TAF8: variants seen among roughly 807,000 people sequenced by gnomAD.
TAF8 encodes TATA-box binding protein associated factor 8.
Under a neutral mutation model 36.5 loss-of-function variants are expected in TAF8, and 47 were observed. The observed-to-expected ratio is 1.29, with a 90% CI of 1.02 to 1.64. The LOEUF (loss-of-function observed/expected upper bound fraction) is 1.64. Among genes scored for constraint, TAF8 ranks in the 40% most tolerant of loss-of-function variants. The probability of loss-of-function intolerance (pLI) is 0.00; values close to 1 mark genes in which losing one functional copy is unlikely to be tolerated. For synonymous variants in TAF8, 175 were observed against 159.5 expected (o/e 1.10, Z -0.73); for missense variants, 420 against 407.6 (o/e 1.03, Z -0.26).
At position 42,055,558 on chromosome 6, in the gene TAF8, A is replaced by G. The variant is rs1050049842; in HGVS notation, c.230A>G (p.Lys77Arg). The G allele has an allele frequency of 1.9e-6, 3 of 1,614,168 alleles. No individual in the cohort carries two copies. The highest frequency in any genetic ancestry group is 1.7e-5 in the Admixed American group (1 of 60,022). The change falls in exon 3 of 9, where the codon AAG becomes AGG. Residue 77 changes from lysine to arginine, a missense_variant. Lys to Arg is a conservative substitution (Grantham distance 26). Transcript: ENST00000372977. ...SYISEIGRSA[K>R]SYCEHTARTQ... The stretch of plus-strand genomic sequence containing the variant: ...ATTTCAGAAATTGGGAGAAGTGCCA[A>G]GTCTTACTGTGAGCACACAGCCAGG...
intron 6 of TAF8, 28 bp from the exon 7 acceptor site, chr6:42,068,437 G>C: frequency 6.2e-7 from 1 of 1,613,250 alleles, no homozygotes; most frequent in Non-Finnish European, 8.5e-7. Flanking sequence ...TGTGACAGTG[G>C]ACTCATGCCT....
rs1474866388 is a variant in TAF8, at chr6:42,066,412, C to T, written c.590C>T (p.Thr197Ile). ...GCACTTACCCGTTTCATGGCCAAGACAGGCGAGACTCAGAGTCTTTTCAAA... is the reference window on the plus strand; with the variant it reads ...GCACTTACCCGTTTCATGGCCAAGATAGGCGAGACTCAGAGTCTTTTCAAA... ...ERALTRFMAK[T>I]GETQSLFKDD... Residue 197 changes from threonine (T) to isoleucine (I), a missense_variant, in exon 6 of 9, where the codon ACA (threonine) becomes ATA (isoleucine). Coordinates refer to ENST00000372977, the MANE Select transcript of TAF8 (RefSeq NM_138572.3). 1.9e-6 allele frequency: 3 copies of T among 1,614,138 alleles called. No homozygotes were observed. Among genetic ancestry groups the T allele is most frequent in the Non-Finnish European group, 2.5e-6 (3 of 1,180,054 alleles).
At chr6:42,071,904 T>C (rs1035229589) in intron 7 of TAF8, among the ~76,000 whole-genome samples, 2 of 152,140 alleles carry the variant, frequency 1.3e-5, no homozygotes, top group Admixed American at 6.6e-5. Flanking sequence ...ATGGTGGTAA[T>C]TGAACCTAAA....
rs1386105874 is a variant in TAF8 at position 42,082,117 on chromosome 6, GTGT to G, written c.*4577_*4579del. On this transcript the variant is annotated 3_prime_UTR_variant, in exon 9 of 9. Transcript: ENST00000372977. ...CCATGTGCACGTGTGTGTTATGTGT[GTGT>G]TGTTCCGTGCAGTTTCATCGTGTAG... 2 of 152,226 alleles carry G rather than the reference GTGT, an allele frequency of 1.3e-5. No individual in the cohort carries two copies. Among genetic ancestry groups the G allele is most frequent in the Non-Finnish European group, 2.9e-5 (2 of 68,064 alleles). 9.4% of individuals were successfully genotyped at this position (152,226 alleles called of 1,614,324 possible). A position where few individuals can be genotyped will look rare whatever the true frequency, so the allele number is the denominator to read the frequency against.
intron 5 of TAF8, among the ~76,000 whole-genome samples, chr6:42,058,520 G>A (rs773326393): frequency 6.6e-6 from 1 of 152,130 alleles, no homozygotes; most frequent in African/African-American, 2.4e-5. Flanking sequence ...TTTACCTTCC[G>A]TTGGGAAGGT....
chr6:42,083,417 A>C (rs1034858598), downstream of TAF8: 1 of 152,182 alleles, frequency 6.6e-6, no homozygotes, highest in Non-Finnish European at 1.5e-5. Flanking sequence ...ATGGGTGTCC[A>C]TTGAATCTGG....
chr6:42,068,809 G>C lies in TAF8; in HGVS notation c.780+202G>C, dbSNP rs922383721. ...ACATCCGTGTCCTGGGGATTCACTC[G>C]TTCATTCAACAAATACAGTTCCAGG... On this transcript the variant is annotated intron_variant, in intron 7 of 8. Coordinates refer to ENST00000372977, the MANE Select transcript of TAF8 (RefSeq NM_138572.3). Among the ~76,000 whole-genome samples the C allele has an allele frequency of 3.3e-5, 5 of 152,240 alleles. No homozygotes were observed. In the East Asian group the frequency reaches 5.8e-4, roughly 18 times the overall value.
At chr6:42,071,886 G>C (rs1765592748) in intron 7 of TAF8, among the ~76,000 whole-genome samples, 1 of 152,192 alleles carries the variant, frequency 6.6e-6, no homozygotes, top group Non-Finnish European at 1.5e-5. Flanking sequence ...CCGTAGTGAT[G>C]TGAGGTCATG....
Position 42,068,507 on chromosome 6 carries a change from T to G in TAF8, c.680T>G (p.Leu227Arg), listed in dbSNP as rs749869589. 12 of 1,614,166 alleles carry G rather than the reference T, an allele frequency of 7.4e-6. No homozygotes were observed. The highest frequency in any genetic ancestry group is 1.0e-5 in the Non-Finnish European group (12 of 1,180,036). ...RPFTIPYLTA[L>R]LPSELEMQQM... is the part of the protein sequence containing the mutation. ...TTCACCATCCCCTACCTGACAGCTC[T>G]TCTTCCGTCTGAACTGGAGATGCAA... Residue 227 changes from leucine to arginine, a missense_variant, in exon 7 of 9, where the codon CTT becomes CGT. Transcript: ENST00000372977.
chr6:42,068,329 T>C (rs1246660897), intron 6 of TAF8, 136 bp from the exon 7 acceptor site: 2 of 884,784 alleles, frequency 2.3e-6, no homozygotes, highest in African/African-American at 3.3e-5. Context: ...CCTGGCCTGT[T>C]GTGTAAGTAC....
Position 42,080,389 on chromosome 6 carries a change from T to G in TAF8, c.*2844T>G. 1 of 962,302 alleles carries G rather than the reference T, an allele frequency of 1.0e-6. No individual in the cohort carries two copies. Among genetic ancestry groups the G allele is most frequent in the Non-Finnish European group, 1.2e-6 (1 of 807,706 alleles). The allele number at this position is 962,302 out of a possible 1,614,324, so 59.6% of individuals were successfully genotyped here. On this transcript the variant is annotated 3_prime_UTR_variant, in exon 9 of 9. Transcript: ENST00000372977. ...TTTTCTTTTCTTTTTTTTTTTTTTT[T>G]GAGACGGCATCTCACTCTTATCGCC... is the stretch of plus-strand genomic sequence containing the variant.
In TAF8 at chr6:42,050,812, G is replaced by A. The variant is rs1022296827; in HGVS notation, c.45+226G>A. 5.2e-5 allele frequency: 49 copies of A among 938,408 alleles called. No homozygotes were observed. In the East Asian group the frequency reaches 9.0e-4, roughly 17 times the overall value. The allele number at this position is 938,408 out of a possible 1,614,324, so 58.1% of individuals were successfully genotyped here. A position where few individuals can be genotyped will look rare whatever the true frequency, so the allele number is the denominator to read the frequency against. On this transcript the variant is annotated intron_variant, in intron 1 of 8. Transcript: ENST00000372977. ...GCTCGTTCGCTGTTGGGGGTTGGGA[G>A]CCCGGAACACCCCCGATTGGTCTGA...
chr6:42,068,836 G>C (rs144137629), intron 7 of TAF8, among the ~76,000 whole-genome samples: 42 of 152,282 alleles, frequency 2.8e-4, no homozygotes, highest in African/African-American at 9.1e-4. Flanking sequence ...AGTTCCAGGT[G>C]CTGGGATATT....
intron 7 of TAF8, among the ~76,000 whole-genome samples, chr6:42,071,702 G>A (rs1765583619): frequency 1.3e-5 from 2 of 151,996 alleles, no homozygotes; most frequent in South Asian, 4.2e-4. Context: ...TTTAAATAAA[G>A]CAGAGGAAAT....
rs1318340299 is a variant in TAF8, at chr6:42,055,618, T to G, written c.290T>G (p.Leu97Arg). Residue 97 changes from leucine to arginine, a missense_variant, in exon 3 of 9, where the codon CTT (leucine) becomes CGT (arginine). Coordinates refer to ENST00000372977, the MANE Select transcript of TAF8 (RefSeq NM_138572.3). The part of the protein sequence containing the change: ...QPTLSDIVVT[L>R]VEMGFNVDTL... ...ACACTGTCCGATATCGTGGTCACAC[T>G]TGTTGAGATGGGTGAGTATACCTTC... The G allele has an allele frequency of 1.2e-6, 2 of 1,613,868 alleles. No homozygotes were observed. The highest frequency in any genetic ancestry group is 1.7e-6 in the Non-Finnish European group (2 of 1,179,744).
intron 7 of TAF8, among the ~76,000 whole-genome samples, chr6:42,072,582 C>T (rs1765616108): frequency 6.6e-6 from 1 of 152,122 alleles, no homozygotes; most frequent in African/African-American, 2.4e-5. Flanking sequence ...AGGGAGGAGG[C>T]GCATCGTTCC....
At position 42,056,018 on chromosome 6, in the gene TAF8, A is replaced by C; in HGVS notation, c.364+4A>C. 6.2e-7 allele frequency: 1 copy of C among 1,602,916 alleles called. No individual in the cohort carries two copies. The highest frequency in any genetic ancestry group is 8.5e-7 in the Non-Finnish European group (1 of 1,169,756). The stretch of plus-strand genomic sequence containing the variant: ...CAGAGGATGGTCATCACTGCTCGTA[A>C]GTGACTTTGAACTGAGGTACTTAGC... On this transcript the variant is annotated splice_donor_region_variant and intron_variant, in intron 4 of 8. Coordinates refer to ENST00000372977, the MANE Select transcript of TAF8 (RefSeq NM_138572.3).
At chr6:42,075,266 G>T (rs1765704559) in intron 7 of TAF8, among the ~76,000 whole-genome samples, 2 of 152,186 alleles carry the variant, frequency 1.3e-5, no homozygotes, top group Admixed American at 1.3e-4. Flanking sequence ...GGTCTGGCCT[G>T]AACTAGGTTG....
chr6:42,082,113 G>A lies in TAF8; in HGVS notation c.*4568G>A, dbSNP rs1443920773. 6.6e-6 allele frequency: 1 copy of A among 152,214 alleles called. No homozygotes were observed. The highest frequency in any genetic ancestry group is 1.9e-4 in the East Asian group (1 of 5,192). The allele number at this position is 152,214 out of a possible 1,614,324, so 9.4% of individuals were successfully genotyped here. A position where few individuals can be genotyped will look rare whatever the true frequency, so the allele number is the denominator to read the frequency against. On this transcript the variant is annotated 3_prime_UTR_variant, in exon 9 of 9. Coordinates refer to ENST00000372977, the MANE Select transcript of TAF8 (RefSeq NM_138572.3). ...TTCACCATGTGCACGTGTGTGTTAT[G>A]TGTGTGTTGTTCCGTGCAGTTTCAT...
Sources: allele counts gnomAD v4.1 joint callset (sites outside exome capture counted in the v4.1 genomes callset), GRCh38; gene constraint gnomAD v4.1.1; transcripts MANE v1.5; gene names NCBI Gene and HGNC (gene_info 2026-07-23, HGNC 2026-07-21).